Variants in ZNF407 observed in about 807,000 individuals in gnomAD.
The protein encoded by ZNF407 is zinc finger protein 407.
A neutral mutation model predicts 131.2 loss-of-function variants in ZNF407; 17 were observed. The ratio of observed to expected loss-of-function variants is 0.13; its 90% confidence interval spans 0.09 to 0.19. The LOEUF (loss-of-function observed/expected upper bound fraction) is 0.19. ZNF407 is among the 10% of genes least tolerant of loss of function. The pLI is 1.00. For missense variants in ZNF407, 2,681 were observed against 2,830.6 expected (o/e 0.95, Z 1.20); for synonymous variants, 1,156 against 1,062.0 (o/e 1.09, Z -1.72).
intron 8 of ZNF407, among the ~76,000 whole-genome samples, chr18:75,029,535 C>T (rs570384126): frequency 2.0e-5 from 3 of 151,768 alleles, no homozygotes; most frequent in Non-Finnish European, 4.4e-5. Context: ...GCATGGGATG[C>T]GGGAGCACGC....
chr18:74,884,266 A>G (rs1971277931), intron 6 of ZNF407, among the ~76,000 whole-genome samples: 1 of 152,218 alleles, frequency 6.6e-6, no homozygotes, highest in African/African-American at 2.4e-5. Context: ...TTGTCTGCAT[A>G]TTGAGACTAA....
intron 4 of ZNF407, among the ~76,000 whole-genome samples, chr18:74,834,900 A>G (rs574811359): frequency 2.6e-5 from 4 of 152,314 alleles, no homozygotes; most frequent in East Asian, 1.9e-4. Context: ...TGGATCAAAC[A>G]TGACTTTCTG....
intron 3 of ZNF407, among the ~76,000 whole-genome samples, chr18:74,652,993 C>T (rs904804392): frequency 8.6e-5 from 13 of 151,894 alleles, no homozygotes; most frequent in South Asian, 4.1e-4. Context: ...GGTTGAAAAA[C>T]GGAAAATTCT....
At chr18:74,989,050 G>A (rs1440700543) in intron 8 of ZNF407, among the ~76,000 whole-genome samples, 2 of 152,122 alleles carry the variant, frequency 1.3e-5, no homozygotes, top group Non-Finnish European at 1.5e-5. Context: ...CTTTGTTCAA[G>A]TAATCGAAAG....
intron 8 of ZNF407, among the ~76,000 whole-genome samples, chr18:75,032,666 A>G (rs999836323): frequency 1.3e-5 from 2 of 151,308 alleles, no homozygotes; most frequent in African/African-American, 4.9e-5. Context: ...GGAAGATAGT[A>G]TTAGGTAACT....
chr18:74,767,184 C>T (rs12960790), intron 3 of ZNF407, among the ~76,000 whole-genome samples: 118,965 of 152,124 alleles, frequency 0.78, 46,820 homozygotes, highest in East Asian at 0.99. Context: ...AGTGCTGGGA[C>T]TACAGGTGTG....
intron 1 of ZNF407, among the ~76,000 whole-genome samples, chr18:74,617,080 T>A (rs1983338171): frequency 4.6e-5 from 4 of 87,080 alleles, no homozygotes; most frequent in Admixed American, 1.6e-4. Flanking sequence ...TCCACACACA[T>A]CCATATCCAT....
intron 3 of ZNF407, among the ~76,000 whole-genome samples, chr18:74,658,930 CTATA>C (rs1400955110): frequency 6.6e-6 from 1 of 151,832 alleles, no homozygotes; most frequent in Non-Finnish European, 1.5e-5. Flanking sequence ...ATATATCTAT[CTATA>C]TATATATTCT....
At chr18:75,012,551 A>G (rs1412612753) in intron 8 of ZNF407, among the ~76,000 whole-genome samples, 1 of 152,042 alleles carries the variant, frequency 6.6e-6, no homozygotes, top group African/African-American at 2.4e-5. Flanking sequence ...AAATAAAAGC[A>G]TTTTTTTCCA....
chr18:74,858,613 G>A (rs945655426), intron 4 of ZNF407, among the ~76,000 whole-genome samples: 7 of 152,262 alleles, frequency 4.6e-5, no homozygotes, highest in South Asian at 2.1e-4. Flanking sequence ...ATCACTTCTC[G>A]AGGCTTGCAG....
intron 8 of ZNF407, among the ~76,000 whole-genome samples, chr18:74,958,508 C>T (rs921079274): frequency 6.6e-6 from 1 of 151,856 alleles, no homozygotes; most frequent in East Asian, 1.9e-4. Context: ...ATGAGGAGCC[C>T]GCCGTGCACA....
chr18:74,902,878 A>G (rs1443325366), intron 7 of ZNF407, among the ~76,000 whole-genome samples: 2 of 152,184 alleles, frequency 1.3e-5, no homozygotes, highest in African/African-American at 2.4e-5. Context: ...AGAGCTCCCA[A>G]AAAATGAACT....
At chr18:74,842,521 G>A (rs73474473) in intron 4 of ZNF407, among the ~76,000 whole-genome samples, 3 of 151,682 alleles carry the variant, frequency 2.0e-5, no homozygotes, top group African/African-American at 4.8e-5. Context: ...TTCTATCCTC[G>A]TATTGTTCCT....
chr18:74,812,674 C>G (rs1459209620), intron 4 of ZNF407, among the ~76,000 whole-genome samples: 1 of 152,112 alleles, frequency 6.6e-6, no homozygotes, highest in Non-Finnish European at 1.5e-5. Context: ...CCCCCATTGC[C>G]TCTCTCTGTA....
intron 3 of ZNF407, among the ~76,000 whole-genome samples, chr18:74,748,939 T>C (rs1968733910): frequency 6.6e-6 from 1 of 152,174 alleles, no homozygotes. Context: ...TGTGGAGTTC[T>C]AGATGAGGTC....
chr18:74,631,647 C>A lies in ZNF407; in HGVS notation c.628C>A (p.Gln210Lys). The change falls in exon 2 of 9, where the codon CAG (glutamine) becomes AAG (lysine). Residue 210 changes from glutamine to lysine, a missense_variant. Coordinates refer to ENST00000299687, the MANE Select transcript of ZNF407 (RefSeq NM_017757.3). ...GGAAAAACATGCTGAGTCTCACATGCAGCAGCCTAAGGAACATACCTGTTG... is the reference window on the plus strand; with the variant it reads ...GGAAAAACATGCTGAGTCTCACATGAAGCAGCCTAAGGAACATACCTGTTG... The part of the protein sequence containing the change: ...DLEKHAESHM[Q>K]QPKEHTCCHC... 1.9e-6 allele frequency: 3 copies of A among 1,613,960 alleles called. No homozygotes were observed. The highest frequency in any genetic ancestry group is 2.5e-6 in the Non-Finnish European group (3 of 1,179,892).
intron 8 of ZNF407, among the ~76,000 whole-genome samples, chr18:75,042,058 CTT>C (rs74265948): frequency 7.1e-6 from 1 of 141,540 alleles, no homozygotes; most frequent in African/African-American, 2.6e-5. Context: ...CATTTCTTTC[CTT>C]TTTTTTTTTT....
chr18:75,042,654 A>G (rs1411384931), intron 8 of ZNF407, among the ~76,000 whole-genome samples: 2 of 152,214 alleles, frequency 1.3e-5, no homozygotes, highest in Admixed American at 1.3e-4. Flanking sequence ...GTGTTTTGTC[A>G]AATGTTTGCA....
At chr18:74,970,670 T>C (rs1972461997) in intron 8 of ZNF407, among the ~76,000 whole-genome samples, 2 of 152,158 alleles carry the variant, frequency 1.3e-5, no homozygotes, top group Non-Finnish European at 2.9e-5. Context: ...TTGCAGGGTA[T>C]AGCCCCCCTC....
Sources: gnomAD v4.1 joint callset for allele counts (sites outside exome capture counted in the v4.1 genomes callset) on GRCh38, gnomAD v4.1.1 for gene constraint, MANE v1.5 for transcripts, NCBI Gene and HGNC (gene_info 2026-07-23, HGNC 2026-07-21) for gene names.